Variants in ALPK3 observed in about 807,000 individuals in gnomAD.
The protein encoded by ALPK3 is alpha-protein kinase 3.
A neutral mutation model predicts 140.0 loss-of-function variants in ALPK3; 102 were observed. That is an observed-to-expected ratio of 0.73 (90% CI 0.62 to 0.86). ALPK3 has a LOEUF of 0.86. ALPK3 is among the 40% of genes least tolerant of loss of function. ALPK3 has a pLI of 0.00. For synonymous variants in ALPK3, 938 were observed against 898.5 expected (o/e 1.04, Z -0.79); for missense variants, 2,254 against 2,208.2 (o/e 1.02, Z -0.42).
rs1416573805 is a variant in ALPK3 at position 84,869,384 on chromosome 15, C to G, written c.*928C>G. ...AGCTGTAGCCAGAGAGAGGTGTTGA[C>G]TCTGAGAGACCTTGCACTCCATACT... On this transcript the variant is annotated 3_prime_UTR_variant, in exon 14 of 14. Transcript: ENST00000258888. The G allele has an allele frequency of 1.3e-5, 2 of 152,292 alleles. No homozygotes were observed. Among genetic ancestry groups the G allele is most frequent in the Admixed American group, 1.3e-4 (2 of 15,286 alleles). The allele number at this position is 152,292 out of a possible 1,614,324, so 9.4% of individuals were successfully genotyped here.
At chr15:84,868,008 A>G in intron 13 of ALPK3, 103 bp from the exon 14 acceptor site, 2 of 1,182,640 alleles carry the variant, frequency 1.7e-6, no homozygotes, top group Non-Finnish European at 2.4e-6. Context: ...GGTAGGATGT[A>G]CCCTGAGCAC....
chr15:84,854,062 A>G (rs934016430), intron 5 of ALPK3, among the ~76,000 whole-genome samples: 7 of 152,050 alleles, frequency 4.6e-5, no homozygotes, highest in Non-Finnish European at 1.0e-4. Context: ...GTAACTTTAA[A>G]TTCTACACTT....
In ALPK3 at chr15:84,869,426, A is replaced by G. The variant is rs1964042840; in HGVS notation, c.*970A>G. On this transcript the variant is annotated 3_prime_UTR_variant, in exon 14 of 14. Transcript: ENST00000258888. The stretch of plus-strand genomic sequence containing the variant: ...CTCCATACTGAAAGGAGGTGGGGTC[A>G]CAGTGAATTTCACATCCCCTCTCAA... 6.6e-6 allele frequency: 1 copy of G among 152,308 alleles called. No homozygotes were observed. The highest frequency in any genetic ancestry group is 2.4e-5 in the African/African-American group (1 of 41,470). The allele number at this position is 152,308 out of a possible 1,614,324, so 9.4% of individuals were successfully genotyped here. A position where few individuals can be genotyped will look rare whatever the true frequency, so the allele number is the denominator to read the frequency against.
At position 84,840,298 on chromosome 15, in the gene ALPK3, G is replaced by C. The variant is rs1220334677; in HGVS notation, c.1019G>C (p.Arg340Pro). 6.2e-7 allele frequency: 1 copy of C among 1,613,982 alleles called. No individual in the cohort carries two copies. Among genetic ancestry groups the C allele is most frequent in the Non-Finnish European group, 8.5e-7 (1 of 1,180,022 alleles). ...PELEKAAQSR[R>P]SSENCIPSSD... is the part of the protein sequence containing the mutation. The stretch of plus-strand genomic sequence containing the variant: ...TTAGAGAAGGCAGCCCAAAGCCGCC[G>C]TTCTTCAGAAAACTGCATCCCCAGC... The change falls in exon 5 of 14, where the codon CGT becomes CCT. Residue 340 changes from arginine to proline, a missense_variant. Physicochemically the swap from Arg to Pro is moderately radical, Grantham distance 103. Around this residue, in one of 3 missense-constraint regions of ALPK3, gnomAD observed 2,088 missense variants for 2,022.9 expected, o/e 1.03. Coordinates refer to ENST00000258888, the MANE Select transcript of ALPK3 (RefSeq NM_020778.5).
chr15:84,825,046 T>G (rs1203952101), intron 2 of ALPK3, among the ~76,000 whole-genome samples: 6 of 152,212 alleles, frequency 3.9e-5, no homozygotes, highest in Admixed American at 3.9e-4. Flanking sequence ...TAGCCACCCT[T>G]TCAGCTGTTA....
intron 3 of ALPK3, among the ~76,000 whole-genome samples, chr15:84,831,802 C>T (rs1288558964): frequency 1.3e-5 from 2 of 152,152 alleles, no homozygotes; most frequent in Non-Finnish European, 2.9e-5. Flanking sequence ...TGGCTGTTTA[C>T]TGTAGGGTGA....
At chr15:84,863,304 C>T (rs1963969435) in intron 10 of ALPK3, among the ~76,000 whole-genome samples, 1 of 152,136 alleles carries the variant, frequency 6.6e-6, no homozygotes, top group South Asian at 2.1e-4. Flanking sequence ...ACCATAAGGA[C>T]TCCCAAAAAT....
At chr15:84,822,227 G>A (rs899471113) in intron 1 of ALPK3, among the ~76,000 whole-genome samples, 3 of 152,092 alleles carry the variant, frequency 2.0e-5, no homozygotes, top group Non-Finnish European at 2.9e-5. Context: ...AGAATTGTGC[G>A]GACTGGATTT....
At chr15:84,853,392 CA>C (rs1214973752) in intron 5 of ALPK3, among the ~76,000 whole-genome samples, 4 of 151,806 alleles carry the variant, frequency 2.6e-5, no homozygotes, top group Non-Finnish European at 5.9e-5. Context: ...GTGGGTAGAT[CA>C]TTTGAGGCCA....
chr15:84,856,443 T>C lies in ALPK3; in HGVS notation c.1705T>C (p.Ser569Pro). 1 of 1,613,010 alleles carries C rather than the reference T, an allele frequency of 6.2e-7. No individual in the cohort carries two copies. The highest frequency in any genetic ancestry group is 8.5e-7 in the Non-Finnish European group (1 of 1,179,602). Residue 569 changes from serine to proline, a missense_variant, in exon 6 of 14, where the codon TCT (serine) becomes CCT (proline). Physicochemically the swap from Ser to Pro is moderately conservative, Grantham distance 74 (BLOSUM62 -1). This residue lies in a region of ALPK3 where 2,088 missense variants were observed against 2,022.9 expected (regional missense o/e 1.03). Transcript: ENST00000258888. ...TCCTACCATGTCGGCCAGCAGCAGC[T>C]CTGATGTAGCCTCCATTGGGGTTAG... ...TAPTMSASSS[S>P]DVASIGVSTS...
rs937592660 is a variant in ALPK3 at position 84,864,319 on chromosome 15, C to T, written c.4500-123C>T. 4.3e-5 allele frequency: 44 copies of T among 1,021,988 alleles called. No individual in the cohort carries two copies. The African/African-American group carries it at 4.8e-4, about 11-fold the overall frequency. The allele number at this position is 1,021,988 out of a possible 1,614,324, so 63.3% of individuals were successfully genotyped here. On this transcript the variant is annotated intron_variant, in intron 11 of 13. Transcript: ENST00000258888. ...GCTTTCCTTTGCTGTCCTTTGGGCT[C>T]GGAGCTGAGAATTACATTCTTGGAA...
In ALPK3 at chr15:84,864,431, A is replaced by C; in HGVS notation, c.4500-11A>C. On this transcript the variant is annotated splice_polypyrimidine_tract_variant and intron_variant, in intron 11 of 13. Transcript: ENST00000258888. ...TACTTCCTGCTTACTGCAGGGTGAA[A>C]CTATGTTTAGGATCATCCCACTGTA... The C allele has an allele frequency of 6.2e-7, 1 of 1,610,842 alleles. No homozygotes were observed. Among genetic ancestry groups the C allele is most frequent in the South Asian group, 1.1e-5 (1 of 91,016 alleles).
chr15:84,854,977 G>A (rs1963844125), intron 5 of ALPK3, among the ~76,000 whole-genome samples: 1 of 152,148 alleles, frequency 6.6e-6, no homozygotes, highest in South Asian at 2.1e-4. Flanking sequence ...TTGTTCCCTG[G>A]TGATTTCCTC....
rs765900089 is a variant in ALPK3, at chr15:84,839,957, A to G, written c.678A>G (p.Arg226=). ...LSPDRFQRKR[R]LSGAQAPGPS... Reference sequence around the variant, plus strand: ...CCGACCGCTTCCAGCGAAAGCGGCGATTGAGCGGGGCTCAAGCGCCGGGCC... The same window carrying G: ...CCGACCGCTTCCAGCGAAAGCGGCGGTTGAGCGGGGCTCAAGCGCCGGGCC... Residue 226 remains arginine, a synonymous_variant, in exon 5 of 14, where the codon CGA becomes CGG. Coordinates refer to ENST00000258888, the MANE Select transcript of ALPK3 (RefSeq NM_020778.5). The G allele has an allele frequency of 6.2e-7, 1 of 1,613,292 alleles. No homozygotes were observed. The highest frequency in any genetic ancestry group is 8.5e-7 in the Non-Finnish European group (1 of 1,179,670).
In ALPK3 at chr15:84,860,042, T is replaced by G. The variant is rs2141570928; in HGVS notation, c.4099T>G (p.Ser1367Ala). ...TCTTCTTTTTCTGTATCTAGTGTTG[T>G]CAGGATTCATCTCCAGAGAAGAAGG... Reference protein sequence around the residue: ...TDFCLSPEVLSGFISREEGEV... With the variant: ...TDFCLSPEVLAGFISREEGEV... Residue 1367 changes from serine to alanine, a missense_variant, in exon 9 of 14, where the codon TCA (serine) becomes GCA (alanine). Around this residue, in one of 3 missense-constraint regions of ALPK3, gnomAD observed 2,088 missense variants for 2,022.9 expected, o/e 1.03. Transcript: ENST00000258888. 1 of 1,614,074 alleles carries G rather than the reference T, an allele frequency of 6.2e-7. No individual in the cohort carries two copies. The highest frequency in any genetic ancestry group is 2.2e-5 in the East Asian group (1 of 44,870).
At chr15:84,819,595 C>T (rs771359826) in intron 1 of ALPK3, among the ~76,000 whole-genome samples, 15 of 152,180 alleles carry the variant, frequency 9.9e-5, no homozygotes, top group Non-Finnish European at 1.9e-4. Flanking sequence ...TCAGAACAGC[C>T]TCACTGCCTG....
chr15:84,829,478 A>G (rs1295523866), intron 3 of ALPK3, among the ~76,000 whole-genome samples: 1 of 152,254 alleles, frequency 6.6e-6, no homozygotes, highest in Non-Finnish European at 1.5e-5. Context: ...AAGATTCAGC[A>G]TGGGCTTCTC....
At chr15:84,859,740 G>C in intron 7 of ALPK3, 36 bp from the exon 8 acceptor site, 1 of 1,590,026 alleles carries the variant, frequency 6.3e-7, no homozygotes, top group Non-Finnish European at 8.5e-7. Context: ...CTGCCCCCAT[G>C]CCATGGCCCT....
In ALPK3 at chr15:84,862,827, C is replaced by T. The variant is rs141398841; in HGVS notation, c.4322C>T (p.Thr1441Met). The T allele has an allele frequency of 1.3e-4, 210 of 1,614,024 alleles. No homozygotes were observed. Among genetic ancestry groups the T allele is most frequent in the African/African-American group, 1.7e-4 (13 of 74,912 alleles). Reference protein sequence around the residue: ...GLEPIFESGRTCIIKVSSLLV... With the variant: ...GLEPIFESGRMCIIKVSSLLV... ...GAACCCATCTTCGAGTCGGGCCGCA[C>T]GTGCATCATCAAGGTGTCCAGCCTG... The change falls in exon 10 of 14, where the codon ACG (threonine) becomes ATG (methionine). Residue 1441 changes from threonine (T) to methionine (M), a missense_variant. Physicochemically the swap from Thr to Met is moderately conservative, Grantham distance 81 (BLOSUM62 -1). Coordinates refer to ENST00000258888, the MANE Select transcript of ALPK3 (RefSeq NM_020778.5).
Sources: gnomAD v4.1 joint callset for allele counts (sites outside exome capture counted in the v4.1 genomes callset) on GRCh38, gnomAD v4.1.1 for gene constraint, gnomAD v4.1.1 regional missense constraint, MANE v1.5 for transcripts, NCBI Gene and HGNC (gene_info 2026-07-23, HGNC 2026-07-21) for gene names.